The following GALR1 variants were observed in gnomAD, a reference collection of about 807,000 sequenced individuals.
GALR1 encodes galanin receptor 1.
GALR1 carries 11 observed loss-of-function variants against 17.9 expected under a neutral mutation model. The observed-to-expected ratio is 0.62, with a 90% CI of 0.39 to 1.02. GALR1 has a LOEUF of 1.02. GALR1 is among the 50% of genes least tolerant of loss of function. GALR1 has a pLI of 0.01. For missense variants in GALR1, 441 were observed against 456.9 expected (o/e 0.97, Z 0.32); for synonymous variants, 206 against 205.7 (o/e 1.00, Z -0.01).
At chr18:77,263,822 C>T (rs1227735924) in intron 2 of GALR1, among the ~76,000 whole-genome samples, 6 of 152,132 alleles carry the variant, frequency 3.9e-5, no homozygotes, top group Non-Finnish European at 8.8e-5. Context: ...AGTGGGACTC[C>T]AGTTCATGGG....
intron 2 of GALR1, among the ~76,000 whole-genome samples, chr18:77,261,961 C>T (rs1912839116): frequency 6.6e-6 from 1 of 152,098 alleles, no homozygotes; most frequent in South Asian, 2.1e-4. Flanking sequence ...ATAGCTGGGA[C>T]TACACGTGCA....
At position 77,261,361 on chromosome 18, in the gene GALR1, C is replaced by T. The variant is rs138111330; in HGVS notation, c.732+5138C>T. On this transcript the variant is annotated intron_variant, in intron 2 of 2. Transcript: ENST00000299727. ...ACACACAGGGGACATGCCCGTCTGA[C>T]GGAGACGGAGGACCCTGTAAGAGAG... Among the ~76,000 whole-genome samples, 891 of 152,296 alleles carry T rather than the reference C, an allele frequency of 5.9e-3. 10 individuals are homozygous for T. The highest frequency in any genetic ancestry group is 0.02 in the African/African-American group (835 of 41,554).
intron 2 of GALR1, among the ~76,000 whole-genome samples, chr18:77,262,572 C>A (rs1379485513): frequency 6.6e-6 from 1 of 152,200 alleles, no homozygotes; most frequent in African/African-American, 2.4e-5. Flanking sequence ...ATAGCAGGAC[C>A]AGGTGCCCAG....
Position 77,269,092 on chromosome 18 carries a change from A to G in GALR1, c.*190A>G, listed in dbSNP as rs1490129601. The G allele has an allele frequency of 1.8e-6, 1 of 566,638 alleles. No individual in the cohort carries two copies. Among genetic ancestry groups the G allele is most frequent in the Non-Finnish European group, 3.1e-6 (1 of 323,992 alleles). The allele number at this position is 566,638 out of a possible 1,614,324, so 35.1% of individuals were successfully genotyped here. A position where few individuals can be genotyped will look rare whatever the true frequency, so the allele number is the denominator to read the frequency against. On this transcript the variant is annotated 3_prime_UTR_variant, in exon 3 of 3. Transcript: ENST00000299727. ...GAAATTCCTAGGTCTAGTGAGAATTATTTTTCAATTTTATTTTAGTTCTAA... is the reference window on the plus strand; with the variant it reads ...GAAATTCCTAGGTCTAGTGAGAATTGTTTTTCAATTTTATTTTAGTTCTAA...
At chr18:77,267,770 A>G (rs2144967646) in intron 2 of GALR1, among the ~76,000 whole-genome samples, 1 of 152,360 alleles carries the variant, frequency 6.6e-6, no homozygotes, top group Middle Eastern at 3.4e-3. Context: ...CATGTGTGGA[A>G]CAGACGAGGT....
intron 1 of GALR1, among the ~76,000 whole-genome samples, chr18:77,255,257 C>T (rs1025420696): frequency 1.3e-5 from 2 of 152,176 alleles, no homozygotes; most frequent in African/African-American, 2.4e-5. Context: ...GGCTTGACAA[C>T]GTTGTCTAAG....
At position 77,270,159 on chromosome 18, in the gene GALR1, A is replaced by G. The variant is rs1345574524; in HGVS notation, c.*1257A>G. 2 of 152,320 alleles carry G rather than the reference A, an allele frequency of 1.3e-5. No homozygotes were observed. Among genetic ancestry groups the G allele is most frequent in the Non-Finnish European group, 2.9e-5 (2 of 68,034 alleles). 9.4% of individuals were successfully genotyped at this position (152,320 alleles called of 1,614,324 possible). A position where few individuals can be genotyped will look rare whatever the true frequency, so the allele number is the denominator to read the frequency against. ...ATCGGAAAAGTACTTTTCAGACTGT[A>G]AGACTTTGATATGTTTTAGGAGGCA... On this transcript the variant is annotated 3_prime_UTR_variant, in exon 3 of 3. Coordinates refer to ENST00000299727, the MANE Select transcript of GALR1 (RefSeq NM_001480.4).
At chr18:77,259,676 A>G (rs1465611547) in intron 2 of GALR1, among the ~76,000 whole-genome samples, 1 of 132,990 alleles carries the variant, frequency 7.5e-6, no homozygotes, top group Non-Finnish European at 1.6e-5. Flanking sequence ...GGCAATAGTG[A>G]TGATGATGGT....
intron 2 of GALR1, among the ~76,000 whole-genome samples, chr18:77,263,167 A>G (rs549398556): frequency 2.1e-4 from 32 of 152,350 alleles, no homozygotes; most frequent in East Asian, 3.9e-4. Flanking sequence ...ATGATGTTTT[A>G]TATTCTATTT....
In GALR1 at chr18:77,276,098, T is replaced by C. The variant is rs1406346035; in HGVS notation, c.*7196T>C. 2 of 152,246 alleles carry C rather than the reference T, an allele frequency of 1.3e-5. No homozygotes were observed. Among genetic ancestry groups the C allele is most frequent in the African/African-American group, 4.8e-5 (2 of 41,462 alleles). The allele number at this position is 152,246 out of a possible 1,614,324, so 9.4% of individuals were successfully genotyped here. ...AGAAATGGTTGTGTAAATGTTAGTTTTCATATTTTGGTTTTCTAAGAGTCA... is the reference window on the plus strand; with the variant it reads ...AGAAATGGTTGTGTAAATGTTAGTTCTCATATTTTGGTTTTCTAAGAGTCA... On this transcript the variant is annotated 3_prime_UTR_variant, in exon 3 of 3. Coordinates refer to ENST00000299727, the MANE Select transcript of GALR1 (RefSeq NM_001480.4).
chr18:77,256,265 CT>C, intron 2 of GALR1, 42 bp downstream of exon 2: 2 of 1,113,208 alleles, frequency 1.8e-6, no homozygotes, highest in Non-Finnish European at 2.7e-6. Context: ...CTTTTCAGAG[CT>C]TAGTTTACCT....
At chr18:77,256,523 A>ACACAGTGCAGAGTGCAGAGTG (rs1694964100) in intron 2 of GALR1, among the ~76,000 whole-genome samples, 2 of 150,820 alleles carry the variant, frequency 1.3e-5, no homozygotes, top group Middle Eastern at 3.2e-3. Flanking sequence ...GTTGACTGAG[A>ACACAGTGCAGAGTGCAGAGTG]CAGAGTGCAG....
In GALR1 at chr18:77,274,995, C is replaced by CT. The variant is rs1215106740; in HGVS notation, c.*6099dup. The CT allele has an allele frequency of 1.3e-5, 2 of 152,194 alleles. No homozygotes were observed. The highest frequency in any genetic ancestry group is 2.9e-5 in the Non-Finnish European group (2 of 68,054). The allele number at this position is 152,194 out of a possible 1,614,324, so 9.4% of individuals were successfully genotyped here. ...CTTGTTGTTCTGTTTGGACTTAGGA[C>CT]TTTTTTCCTGGCTATCCTGCCAATA... On this transcript the variant is annotated 3_prime_UTR_variant, in exon 3 of 3. Coordinates refer to ENST00000299727, the MANE Select transcript of GALR1 (RefSeq NM_001480.4).
intron 2 of GALR1, 56 bp from the exon 3 acceptor site, chr18:77,268,529 C>G: frequency 1.7e-6 from 2 of 1,175,728 alleles, no homozygotes; most frequent in South Asian, 1.4e-5. Flanking sequence ...CTTCCTTCTT[C>G]TTCTCCCTTA....
rs114020993 is a variant in GALR1, at chr18:77,268,530, T to C, written c.733-55T>C. 3.5e-4 allele frequency: 413 copies of C among 1,191,172 alleles called. No homozygotes were observed. In the African/African-American group the frequency reaches 5.7e-3, roughly 16 times the overall value. The allele number at this position is 1,191,172 out of a possible 1,614,324, so 73.8% of individuals were successfully genotyped here. A position where few individuals can be genotyped will look rare whatever the true frequency, so the allele number is the denominator to read the frequency against. ...AATCAATGAATTTCCTTCCTTCTTC[T>C]TCTCCCTTACCGCCTCCTCCTCCTC... On this transcript the variant is annotated intron_variant, in intron 2 of 2. Coordinates refer to ENST00000299727, the MANE Select transcript of GALR1 (RefSeq NM_001480.4).
chr18:77,264,184 G>C (rs1021231700), intron 2 of GALR1, among the ~76,000 whole-genome samples: 2 of 141,862 alleles, frequency 1.4e-5, no homozygotes, highest in African/African-American at 5.2e-5. Flanking sequence ...TGCTATGTAG[G>C]ATTTCCCCTC....
intron 1 of GALR1, among the ~76,000 whole-genome samples, chr18:77,253,025 TCACCACCATCACCACCACCAC>T (rs1912504774): frequency 1.5e-4 from 6 of 40,540 alleles, no homozygotes; most frequent in Middle Eastern, 0.012. Flanking sequence ...ACCACCACCA[TCACCACCATCACCACCACCAC>T]CACCACCACC....
chr18:77,274,575 G>A lies in GALR1; in HGVS notation c.*5673G>A, dbSNP rs193197954. 1.4e-4 allele frequency: 22 copies of A among 152,360 alleles called. No homozygotes were observed. Among genetic ancestry groups the A allele is most frequent in the Non-Finnish European group, 1.2e-4 (8 of 68,100 alleles). 9.4% of individuals were successfully genotyped at this position (152,360 alleles called of 1,614,324 possible). On this transcript the variant is annotated 3_prime_UTR_variant, in exon 3 of 3. Coordinates refer to ENST00000299727, the MANE Select transcript of GALR1 (RefSeq NM_001480.4). ...GCATCATTTCTGATTGGTTCTTAGA[G>A]CCTGCATCTTGTACCACTGGGACTT...
intron 2 of GALR1, among the ~76,000 whole-genome samples, chr18:77,264,788 G>A (rs184506066): frequency 6.6e-6 from 1 of 152,236 alleles, no homozygotes; most frequent in Non-Finnish European, 1.5e-5. Context: ...TAAAGGGTGG[G>A]AAAAGCCCCT....
Sources: allele counts gnomAD v4.1 joint callset (sites outside exome capture counted in the v4.1 genomes callset), GRCh38; gene constraint gnomAD v4.1.1; transcripts MANE v1.5; gene names NCBI Gene and HGNC (gene_info 2026-07-23, HGNC 2026-07-21).